Variants in ZNF124 observed in about 807,000 individuals in gnomAD.
ZNF124 encodes the protein zinc finger protein 124.
Under a neutral mutation model 26.6 loss-of-function variants are expected in ZNF124, and 25 were observed. That is an observed-to-expected ratio of 0.94 (90% confidence interval 0.68 to 1.31). The LOEUF (loss-of-function observed/expected upper bound fraction) is 1.31. ZNF124 is among the 40% of genes most tolerant of loss of function. The probability of loss-of-function intolerance (pLI) is 0.00; values close to 1 mark genes in which losing one functional copy is unlikely to be tolerated. For missense variants in ZNF124, 444 were observed against 422.2 expected, an observed-to-expected ratio of 1.05 and a Z score of -0.45; for synonymous variants, 129 against 133.3, an observed-to-expected ratio of 0.97 and a Z score of 0.22.
chr1:247,146,047 G>C (rs537148145), intron 3 of ZNF124, among the ~76,000 whole-genome samples: 1 of 152,310 alleles, frequency 6.6e-6, no homozygotes, highest in East Asian at 1.9e-4. Context: ...AGACCAAACA[G>C]CTATAATGTG....
chr1:247,157,271 A>G lies in ZNF124; in HGVS notation c.351T>C (p.Thr117=), dbSNP rs1673205393. The G allele has an allele frequency of 1.9e-6, 3 of 1,611,824 alleles. No homozygotes were observed. The highest frequency in any genetic ancestry group is 2.2e-5 in the East Asian group (1 of 44,874). ...TTGTACAACCATAATGTCCATTTCC[A>G]GTGTGCATTACTGTGTCTCTGTGAA... ...TRVHRDTVMH[T]GNGHYGCTIC... is the part of the protein sequence containing the mutation. Residue 117 remains threonine, a synonymous_variant, in exon 4 of 4, where the codon ACT becomes ACC. Coordinates refer to ENST00000543802, the MANE Select transcript of ZNF124 (RefSeq NM_001297568.2).
At chr1:247,146,895 A>C (rs1672794926) in intron 3 of ZNF124, among the ~76,000 whole-genome samples, 1 of 152,154 alleles carries the variant, frequency 6.6e-6, no homozygotes, top group Non-Finnish European at 1.5e-5. Context: ...TAGAACAGGT[A>C]CCGGGGGGTA....
chr1:247,165,068 G>A (rs1272412045), intron 1 of ZNF124, among the ~76,000 whole-genome samples: 3 of 152,030 alleles, frequency 2.0e-5, no homozygotes, highest in Non-Finnish European at 2.9e-5. Context: ...CCCGGTTCAT[G>A]CCATTCTCCT....
chr1:247,128,261 T>C (rs1274117475), intron 3 of ZNF124, among the ~76,000 whole-genome samples: 13 of 151,568 alleles, frequency 8.6e-5, no homozygotes, highest in African/African-American at 3.1e-4. Flanking sequence ...AAAAAATTCT[T>C]TGTACCTCTC....
At chr1:247,154,951 A>G (rs1673048037), downstream of ZNF124, among the ~76,000 whole-genome samples, 1 of 152,270 alleles carries the variant, frequency 6.6e-6, no homozygotes, top group Admixed American at 6.5e-5. Context: ...ACACTTGACA[A>G]TGAAATATTC....
chr1:247,141,467 G>GA (rs529006440), intron 3 of ZNF124, among the ~76,000 whole-genome samples: 4 of 152,246 alleles, frequency 2.6e-5, no homozygotes, highest in African/African-American at 9.6e-5. Flanking sequence ...CTCACAGGGA[G>GA]AAAAGACTAG....
At chr1:247,169,300 A>G (rs1356160469) in intron 1 of ZNF124, among the ~76,000 whole-genome samples, 1 of 152,190 alleles carries the variant, frequency 6.6e-6, no homozygotes, top group African/African-American at 2.4e-5. Context: ...TGGAGAGACC[A>G]CGTACTCAAG....
intron 3 of ZNF124, among the ~76,000 whole-genome samples, chr1:247,133,861 C>G (rs146797393): frequency 8.5e-4 from 130 of 152,052 alleles, no homozygotes; most frequent in African/African-American, 3.0e-3. Flanking sequence ...TCATGTTAGT[C>G]AGGCTGGCCT....
intron 3 of ZNF124, among the ~76,000 whole-genome samples, chr1:247,145,249 G>T (rs1672732406): frequency 6.6e-6 from 1 of 152,212 alleles, no homozygotes; most frequent in Non-Finnish European, 1.5e-5. Context: ...AGAAGGAAAA[G>T]ATGGTAAAAT....
chr1:247,169,024 A>C (rs1673942532), intron 1 of ZNF124, among the ~76,000 whole-genome samples: 1 of 152,156 alleles, frequency 6.6e-6, no homozygotes, highest in South Asian at 2.1e-4. Flanking sequence ...TTAAAAAACT[A>C]AATATATATA....
intron 3 of ZNF124, among the ~76,000 whole-genome samples, chr1:247,128,593 C>A (rs1363072459): frequency 6.6e-6 from 1 of 150,878 alleles, no homozygotes; most frequent in Non-Finnish European, 1.5e-5. Flanking sequence ...TACTCTTCCT[C>A]TAAAAAGCTA....
intron 2 of ZNF124, among the ~76,000 whole-genome samples, 172 bp downstream of exon 2, chr1:247,159,515 G>A (rs751141033): frequency 2.0e-5 from 3 of 152,130 alleles, no homozygotes; most frequent in Non-Finnish European, 4.4e-5. Context: ...CAGGTATTCT[G>A]TTATCACAAT....
rs139334223 is a variant in ZNF124 at position 247,165,488 on chromosome 1, G to A, written c.31-5675C>T. Reference sequence around the variant, plus strand: ...AAGATAACCTAGGAAATACCATTCTGGACATAGGACCTGGCAAGTATTTCA... The same window carrying A: ...AAGATAACCTAGGAAATACCATTCTAGACATAGGACCTGGCAAGTATTTCA... On this transcript the variant is annotated intron_variant, in intron 1 of 3. Coordinates refer to ENST00000543802, the MANE Select transcript of ZNF124 (RefSeq NM_001297568.2). Among the ~76,000 whole-genome samples, 1,263 of 152,198 alleles carry A rather than the reference G, an allele frequency of 8.3e-3. 12 individuals carry two copies. Among genetic ancestry groups the A allele is most frequent in the African/African-American group, 0.029 (1,195 of 41,526 alleles).
intron 3 of ZNF124, among the ~76,000 whole-genome samples, chr1:247,133,741 C>T (rs1422514316): frequency 1.3e-5 from 2 of 150,734 alleles, no homozygotes; most frequent in African/African-American, 4.9e-5. Flanking sequence ...GCAACCTCCA[C>T]CTCCCAGGTT....
rs541009810 is a variant in ZNF124, at chr1:247,164,377, A to G, written c.31-4564T>C. Among the ~76,000 whole-genome samples, 8 of 152,338 alleles carry G rather than the reference A, an allele frequency of 5.3e-5. No individual in the cohort carries two copies. In the South Asian group the frequency reaches 1.7e-3, roughly 32 times the overall value. ...CCCAAAACCCCACAGTCTCTGTTGAAAAGCTCCTGATAAACAACTTTAGCA... is the reference window on the plus strand; with the variant it reads ...CCCAAAACCCCACAGTCTCTGTTGAGAAGCTCCTGATAAACAACTTTAGCA... On this transcript the variant is annotated intron_variant, in intron 1 of 3. Coordinates refer to ENST00000543802, the MANE Select transcript of ZNF124 (RefSeq NM_001297568.2).
chr1:247,140,514 G>T (rs1449717029), intron 3 of ZNF124, among the ~76,000 whole-genome samples: 1 of 152,220 alleles, frequency 6.6e-6, no homozygotes, highest in East Asian at 1.9e-4. Flanking sequence ...AAAAACTGGT[G>T]TGGTCATCTG....
chr1:247,169,412 T>A (rs1673966793), intron 1 of ZNF124, among the ~76,000 whole-genome samples: 1 of 152,190 alleles, frequency 6.6e-6, no homozygotes, highest in Non-Finnish European at 1.5e-5. Context: ...ATTTTCTTGT[T>A]CTTTAAGGTT....
chr1:247,125,264 GTATC>G (rs752473783), intron 3 of ZNF124, among the ~76,000 whole-genome samples: 1 of 151,946 alleles, frequency 6.6e-6, no homozygotes, highest in Non-Finnish European at 1.5e-5. Flanking sequence ...TTTCTCTTGT[GTATC>G]TGTACCTGGG....
At position 247,159,818 on chromosome 1, in the gene ZNF124, A is replaced by G; in HGVS notation, c.31-5T>C. On this transcript the variant is annotated splice_polypyrimidine_tract_variant and splice_region_variant and intron_variant, in intron 1 of 3. Coordinates refer to ENST00000543802, the MANE Select transcript of ZNF124 (RefSeq NM_001297568.2). The stretch of plus-strand genomic sequence containing the variant: ...ATCCTCAAAGGCAACCGAGTTCTAA[A>G]ATATTCCACATTTTTGTAGAGGATG... 1 of 1,608,232 alleles carries G rather than the reference A, an allele frequency of 6.2e-7. No homozygotes were observed.
Sources: gnomAD v4.1 joint callset for allele counts (sites outside exome capture counted in the v4.1 genomes callset) on GRCh38, gnomAD v4.1.1 for gene constraint, MANE v1.5 for transcripts, NCBI Gene and HGNC (gene_info 2026-07-23, HGNC 2026-07-21) for gene names.